The following PRRX2 variants were observed in gnomAD, a reference collection of about 807,000 sequenced individuals.
The protein encoded by PRRX2 is paired related homeobox 2, also known as paired mesoderm homeobox protein 2.
A neutral mutation model predicts 18.0 loss-of-function variants in PRRX2; 11 were observed. That is an observed-to-expected ratio of 0.61 (90% confidence interval 0.39 to 1.01). The LOEUF is 1.01. Among genes scored for constraint, PRRX2 ranks in the 50% least tolerant of loss-of-function variants. The pLI is 0.01. For missense variants in PRRX2, 387 were observed against 351.0 expected (o/e 1.10, Z -0.82); for synonymous variants, 177 against 154.8 (o/e 1.14, Z -1.06).
Position 129,707,902 on chromosome 9 carries a change from G to A in PRRX2, c.260-11329G>A, listed in dbSNP as rs545537126. Among the ~76,000 whole-genome samples the A allele has an allele frequency of 2.6e-5, 4 of 152,316 alleles. No individual in the cohort carries two copies. In the South Asian group the frequency reaches 8.3e-4, roughly 32 times the overall value. ...ACCTAAGAGTGGAATTGCTGGGTCAGATGGTAAGTCTATGTTTCACCTTGT... is the reference window on the plus strand; with the variant it reads ...ACCTAAGAGTGGAATTGCTGGGTCAAATGGTAAGTCTATGTTTCACCTTGT... On this transcript the variant is annotated intron_variant, in intron 1 of 3. Coordinates refer to ENST00000372469, the MANE Select transcript of PRRX2 (RefSeq NM_016307.4).
intron 1 of PRRX2, among the ~76,000 whole-genome samples, chr9:129,691,547 T>C (rs1460119365): frequency 1.3e-5 from 2 of 152,192 alleles, no homozygotes; most frequent in East Asian, 1.9e-4. Flanking sequence ...TGTTATGTTG[T>C]GGCTTGAAAT....
intron 1 of PRRX2, among the ~76,000 whole-genome samples, chr9:129,683,483 C>G (rs1275563048): frequency 1.3e-5 from 2 of 152,104 alleles, no homozygotes; most frequent in Non-Finnish European, 2.9e-5. Flanking sequence ...CGCCTGTAAT[C>G]CCAGCACTTT....
At chr9:129,708,444 C>T (rs1015286595) in intron 1 of PRRX2, among the ~76,000 whole-genome samples, 3 of 152,182 alleles carry the variant, frequency 2.0e-5, no homozygotes, top group African/African-American at 7.2e-5. Context: ...GTCTTTCTGC[C>T]TATTGGTCAT....
intron 1 of PRRX2, among the ~76,000 whole-genome samples, chr9:129,692,142 GT>G (rs894538464): frequency 3.3e-5 from 5 of 151,318 alleles, no homozygotes; most frequent in Middle Eastern, 3.4e-3. Flanking sequence ...AAGTGATAAG[GT>G]TTTGCTGTGT....
chr9:129,705,992 C>T (rs1011403668), intron 1 of PRRX2, among the ~76,000 whole-genome samples: 1 of 152,094 alleles, frequency 6.6e-6, no homozygotes, highest in Non-Finnish European at 1.5e-5. Flanking sequence ...CCCCCTGTCA[C>T]CTCACTACCT....
chr9:129,712,417 C>T (rs1385813316), intron 1 of PRRX2, among the ~76,000 whole-genome samples: 4 of 152,138 alleles, frequency 2.6e-5, no homozygotes, highest in African/African-American at 9.7e-5. Flanking sequence ...TCCCTCCAGA[C>T]TATTTAGACC....
chr9:129,705,234 C>T (rs1010781210), intron 1 of PRRX2, among the ~76,000 whole-genome samples: 1 of 152,088 alleles, frequency 6.6e-6, no homozygotes, highest in South Asian at 2.1e-4. Flanking sequence ...TTGGGACCCC[C>T]AGCTCCTAGT....
chr9:129,682,402 A>C (rs991249630), intron 1 of PRRX2, among the ~76,000 whole-genome samples: 2 of 152,036 alleles, frequency 1.3e-5, no homozygotes, highest in African/African-American at 4.8e-5. Context: ...GGGGCTGAGG[A>C]CCAGCCATAC....
At chr9:129,687,142 C>T (rs1207544874) in intron 1 of PRRX2, among the ~76,000 whole-genome samples, 1 of 152,110 alleles carries the variant, frequency 6.6e-6, no homozygotes, top group Middle Eastern at 3.2e-3. Flanking sequence ...AATCCCAGCA[C>T]ATTGGGAGGC....
chr9:129,674,505 C>T (rs531311134), intron 1 of PRRX2, among the ~76,000 whole-genome samples: 3 of 152,100 alleles, frequency 2.0e-5, no homozygotes, highest in African/African-American at 7.2e-5. Context: ...GGGCAACAGG[C>T]TGTGGGCTGC....
intron 1 of PRRX2, among the ~76,000 whole-genome samples, chr9:129,687,523 A>G (rs758459159): frequency 2.0e-5 from 3 of 152,168 alleles, no homozygotes; most frequent in Non-Finnish European, 4.4e-5. Context: ...CACTAACTCA[A>G]CTTGCTTGCG....
At chr9:129,694,348 CT>C (rs1158728950) in intron 1 of PRRX2, among the ~76,000 whole-genome samples, 1 of 152,188 alleles carries the variant, frequency 6.6e-6, no homozygotes, top group Non-Finnish European at 1.5e-5. Flanking sequence ...CCATGCCCGG[CT>C]AACTTGTGTA....
At chr9:129,697,402 AGCGCGGGGCTGG>A (rs1832439993) in intron 1 of PRRX2, among the ~76,000 whole-genome samples, 3 of 151,502 alleles carry the variant, frequency 2.0e-5, no homozygotes, top group Admixed American at 6.6e-5. Flanking sequence ...CGGCGCGGGC[AGCGCGGGGCTGG>A]GCGCGGGATC....
intron 1 of PRRX2, among the ~76,000 whole-genome samples, chr9:129,704,230 G>A (rs901368959): frequency 6.6e-6 from 1 of 152,200 alleles, no homozygotes; most frequent in East Asian, 1.9e-4. Flanking sequence ...CCTTCATATG[G>A]GATGAATAAT....
intron 1 of PRRX2, among the ~76,000 whole-genome samples, chr9:129,718,330 G>A (rs972889872): frequency 2.0e-5 from 3 of 152,092 alleles, no homozygotes; most frequent in Admixed American, 6.5e-5. Context: ...GGGCCTCCCC[G>A]GCCAGCTCCT....
intron 1 of PRRX2, among the ~76,000 whole-genome samples, chr9:129,693,972 G>A (rs1256952642): frequency 1.3e-5 from 2 of 152,184 alleles, no homozygotes; most frequent in African/African-American, 2.4e-5. Context: ...AGCAGGGAGT[G>A]AAGGCAGAGT....
intron 1 of PRRX2, among the ~76,000 whole-genome samples, chr9:129,694,317 C>T (rs915552546): frequency 6.6e-6 from 1 of 152,126 alleles, no homozygotes; most frequent in Admixed American, 6.5e-5. Context: ...CCCGACTAGC[C>T]GGGACTATGG....
At chr9:129,704,126 CTG>C (rs1347799648) in intron 1 of PRRX2, among the ~76,000 whole-genome samples, 2 of 152,208 alleles carry the variant, frequency 1.3e-5, no homozygotes, top group Non-Finnish European at 2.9e-5. Flanking sequence ...TTCTGCACGC[CTG>C]TGTTTTTCTA....
intron 1 of PRRX2, among the ~76,000 whole-genome samples, chr9:129,667,700 G>A (rs935031908): frequency 1.3e-5 from 2 of 152,112 alleles, no homozygotes; most frequent in East Asian, 3.9e-4. Context: ...CCCTGCTGTG[G>A]GGACAGCCAG....
Sources: allele counts gnomAD v4.1 joint callset (sites outside exome capture counted in the v4.1 genomes callset), GRCh38; gene constraint gnomAD v4.1.1; transcripts MANE v1.5; gene names NCBI Gene and HGNC (gene_info 2026-07-23, HGNC 2026-07-21).